Variants in LRCH1 observed in about 807,000 individuals in gnomAD.
LRCH1 encodes leucine-rich repeat and calponin homology domain-containing protein 1.
In LRCH1, 23 loss-of-function variants were observed where a neutral mutation model predicts 94.9. The ratio of observed to expected loss-of-function variants is 0.24; its 90% CI spans 0.17 to 0.34. The LOEUF is 0.34. Ranked by LOEUF, LRCH1 falls within the 10% of genes least tolerant of loss-of-function variation. The pLI is 1.00. For missense variants in LRCH1, 790 were observed against 945.9 expected, an observed-to-expected ratio of 0.84 and a Z score of 2.16; for synonymous variants, 364 against 354.9, an observed-to-expected ratio of 1.03 and a Z score of -0.29.
At chr13:46,618,532 C>G (rs1470998456) in intron 1 of LRCH1, among the ~76,000 whole-genome samples, 2 of 152,076 alleles carry the variant, frequency 1.3e-5, no homozygotes, top group Non-Finnish European at 2.9e-5. Flanking sequence ...GGTATTTTTC[C>G]CTTAATAGTG....
chr13:46,698,381 G>A (rs1231842813), intron 9 of LRCH1, among the ~76,000 whole-genome samples: 1 of 152,208 alleles, frequency 6.6e-6, no homozygotes, highest in Non-Finnish European at 1.5e-5. Context: ...GTGCAAGGAG[G>A]CCTGTGGAAG....
intron 1 of LRCH1, among the ~76,000 whole-genome samples, chr13:46,557,935 A>C (rs995402705): frequency 1.3e-5 from 2 of 152,180 alleles, no homozygotes; most frequent in Non-Finnish European, 2.9e-5. Flanking sequence ...AGTTCCAGCT[A>C]TGCGGACGGC....
chr13:46,649,720 T>C (rs1175523179), intron 1 of LRCH1, among the ~76,000 whole-genome samples: 7 of 151,794 alleles, frequency 4.6e-5, no homozygotes, highest in Non-Finnish European at 1.5e-5. Flanking sequence ...ACCCAGCTAC[T>C]CGAGAGGCTG....
At chr13:46,705,221 T>C in intron 12 of LRCH1, 47 bp from the exon 13 acceptor site, 5 of 1,586,686 alleles carry the variant, frequency 3.2e-6, no homozygotes, top group Non-Finnish European at 4.3e-6. Flanking sequence ...ATTTCTATGC[T>C]TTAAATTTCA....
chr13:46,683,596 A>C (rs936955552), intron 4 of LRCH1, among the ~76,000 whole-genome samples: 5 of 152,236 alleles, frequency 3.3e-5, no homozygotes, highest in African/African-American at 1.2e-4. Context: ...AATCATTGTG[A>C]AAATGTCCTA....
chr13:46,715,196 C>T (rs76755384), intron 15 of LRCH1, among the ~76,000 whole-genome samples: 1 of 152,096 alleles, frequency 6.6e-6, no homozygotes, highest in East Asian at 1.9e-4. Flanking sequence ...CTTTGAGGAA[C>T]GTATCTGGCA....
chr13:46,662,975 G>A (rs1409234322), intron 2 of LRCH1, among the ~76,000 whole-genome samples: 1 of 152,132 alleles, frequency 6.6e-6, no homozygotes, highest in African/African-American at 2.4e-5. Flanking sequence ...TGTGTTTGGA[G>A]TGTGAAATTG....
chr13:46,631,731 C>T (rs1013254289), intron 1 of LRCH1, among the ~76,000 whole-genome samples: 2 of 152,012 alleles, frequency 1.3e-5, no homozygotes, highest in African/African-American at 2.4e-5. Context: ...ATAAAATATA[C>T]ATAAGATTTA....
At chr13:46,649,943 GTTACAGTAAAAAGTTC>G (rs2051271281) in intron 1 of LRCH1, among the ~76,000 whole-genome samples, 1 of 152,018 alleles carries the variant, frequency 6.6e-6, no homozygotes, top group African/African-American at 2.4e-5. Context: ...ATAATTTTTA[GTTACAGTAAAAAGTTC>G]TTTAGAGAGC....
At chr13:46,563,637 A>T (rs751595619) in intron 1 of LRCH1, among the ~76,000 whole-genome samples, 2 of 152,242 alleles carry the variant, frequency 1.3e-5, no homozygotes, top group Non-Finnish European at 2.9e-5. Flanking sequence ...TATTAAATGT[A>T]TGTAATAGAT....
At chr13:46,619,064 T>TTTCCTTCCCTCCTTCCTTCCTTCCTTCC (rs2050847179) in intron 1 of LRCH1, among the ~76,000 whole-genome samples, 1 of 114,652 alleles carries the variant, frequency 8.7e-6, no homozygotes, top group Admixed American at 9.7e-5. Flanking sequence ...TCTTTTCTTT[T>TTTCCTTCCCTCCTTCCTTCCTTCCTTCC]TTCCTTCCTT....
At chr13:46,580,580 T>G (rs1005180079) in intron 1 of LRCH1, among the ~76,000 whole-genome samples, 2 of 152,220 alleles carry the variant, frequency 1.3e-5, no homozygotes, top group South Asian at 4.1e-4. Flanking sequence ...CTAAGACTCG[T>G]AAGCCACCAA....
At chr13:46,615,449 C>T (rs1164639684) in intron 1 of LRCH1, among the ~76,000 whole-genome samples, 1 of 152,198 alleles carries the variant, frequency 6.6e-6, no homozygotes, top group East Asian at 1.9e-4. Flanking sequence ...GTGACCCAAA[C>T]GCCTCCCACT....
At chr13:46,614,092 C>G (rs902991885) in intron 1 of LRCH1, among the ~76,000 whole-genome samples, 1 of 115,132 alleles carries the variant, frequency 8.7e-6, no homozygotes, top group African/African-American at 3.7e-5. Flanking sequence ...ACACACCCAT[C>G]ATTTCACATA....
At chr13:46,748,109 G>GT (rs1873983245), downstream of LRCH1, among the ~76,000 whole-genome samples, 1 of 151,972 alleles carries the variant, frequency 6.6e-6, no homozygotes, top group African/African-American at 2.4e-5. Context: ...AATCGGGCTT[G>GT]TTTTTTTAAC....
chr13:46,747,959 C>G (rs1358817215), downstream of LRCH1, among the ~76,000 whole-genome samples: 1 of 152,132 alleles, frequency 6.6e-6, no homozygotes, highest in Non-Finnish European at 1.5e-5. Flanking sequence ...CCAGGTTAGT[C>G]TCGAACTCTT....
At chr13:46,724,550 G>T (rs1020376080) in intron 17 of LRCH1, among the ~76,000 whole-genome samples, 1 of 152,166 alleles carries the variant, frequency 6.6e-6, no homozygotes, top group Non-Finnish European at 1.5e-5. Context: ...GACCATGGCT[G>T]TCTTATTTCT....
At chr13:46,562,971 G>A (rs534476290) in intron 1 of LRCH1, among the ~76,000 whole-genome samples, 23 of 152,230 alleles carry the variant, frequency 1.5e-4, no homozygotes, top group Middle Eastern at 3.4e-3. Context: ...GAATCTTTTC[G>A]GTGGTTGGTG....
intron 1 of LRCH1, among the ~76,000 whole-genome samples, chr13:46,573,203 C>T (rs2050259987): frequency 6.6e-6 from 1 of 151,616 alleles, no homozygotes; most frequent in Admixed American, 6.6e-5. Flanking sequence ...TCTCTTTTCT[C>T]ATGTAACTAC....
Sources: allele counts gnomAD v4.1 joint callset (sites outside exome capture counted in the v4.1 genomes callset), GRCh38; gene constraint gnomAD v4.1.1; transcripts MANE v1.5; gene names NCBI Gene and HGNC (gene_info 2026-07-23, HGNC 2026-07-21).